BAHCC1: variants seen among roughly 807,000 people sequenced by gnomAD.
BAHCC1 encodes the protein BAH domain and coiled-coil containing 1.
In BAHCC1, 43 loss-of-function variants were observed where a neutral mutation model predicts 88.2. The observed-to-expected ratio is 0.49, with a 90% CI of 0.38 to 0.63. The LOEUF (loss-of-function observed/expected upper bound fraction) is 0.63, where lower values mean the gene tolerates loss of function less well. Among genes scored for constraint, BAHCC1 ranks in the 20% least tolerant of loss-of-function variants. The pLI is 0.00. For synonymous variants in BAHCC1, 1,510 were observed against 745.5 expected (o/e 2.03, Z -16.71); for missense variants, 3,023 against 1,654.8 (o/e 1.83, Z -14.34).
At chr17:81,397,226 A>G (rs1428180919) in intron 1 of BAHCC1, 1 of 151,670 alleles carries the variant, frequency 6.6e-6, no homozygotes, top group East Asian at 2.0e-4. Flanking sequence ...ACAGTAATCC[A>G]CCTCCTGTTT....
At chr17:81,449,680 C>G (rs2064597147) in intron 11 of BAHCC1, among the ~76,000 whole-genome samples, 1 of 152,044 alleles carries the variant, frequency 6.6e-6, no homozygotes, top group Non-Finnish European at 1.5e-5. Flanking sequence ...CAGCCCACCC[C>G]CCCTCGGCCC....
rs782036480 is a variant in BAHCC1 at position 81,442,925 on chromosome 17, A to G, written c.1576A>G (p.Thr526Ala). Reference sequence around the variant, plus strand: ...CCAGGCCTGCTGCACTTTAGATAAGACTGTTGGCAAGGAAGCCCCGGCCGG... The same window carrying G: ...CCAGGCCTGCTGCACTTTAGATAAGGCTGTTGGCAAGGAAGCCCCGGCCGG... ...APQACCTLDK[T>A]VGKEAPAGPP... The change falls in exon 5 of 28, where the codon ACT (threonine) becomes GCT (alanine). Residue 526 changes from threonine to alanine, a missense_variant. By Grantham distance (58) the Thr-to-Ala change is moderately conservative (BLOSUM62 0). Coordinates refer to ENST00000675386, the MANE Select transcript of BAHCC1 (RefSeq NM_001377448.1). 5.1e-6 allele frequency: 4 copies of G among 778,956 alleles called. No homozygotes were observed. The Admixed American group carries it at 6.8e-5, about 13-fold the overall frequency. The allele number at this position is 778,956 out of a possible 1,614,324, so 48.3% of individuals were successfully genotyped here.
chr17:81,441,923 C>A lies in BAHCC1; in HGVS notation c.574C>A (p.Pro192Thr). 1.4e-6 allele frequency: 1 copy of A among 730,648 alleles called. No homozygotes were observed. The highest frequency in any genetic ancestry group is 2.5e-5 in the East Asian group (1 of 39,472). 45.3% of individuals were successfully genotyped at this position (730,648 alleles called of 1,614,324 possible). A position where few individuals can be genotyped will look rare whatever the true frequency, so the allele number is the denominator to read the frequency against. Residue 192 changes from proline (P) to threonine (T), a missense_variant, in exon 5 of 28, where the codon CCC becomes ACC. Pro to Thr is a conservative substitution (Grantham distance 38, BLOSUM62 -1). Coordinates refer to ENST00000675386, the MANE Select transcript of BAHCC1 (RefSeq NM_001377448.1). ...PSVARAAPAH[P>T]MGSCSRDRDR... is the part of the protein sequence containing the mutation. Reference sequence around the variant, plus strand: ...CGTGGCCCGGGCCGCCCCTGCCCACCCCATGGGCTCCTGCAGCCGGGATCG... The same window carrying A: ...CGTGGCCCGGGCCGCCCCTGCCCACACCATGGGCTCCTGCAGCCGGGATCG...
rs1555645402 is a variant in BAHCC1 at position 81,399,129 on chromosome 17, G to GTGTGTA, written c.-206-400_-206-399insATGTGT. 1 of 119,524 alleles carries GTGTGTA rather than the reference G, an allele frequency of 8.4e-6. No homozygotes were observed. Among genetic ancestry groups the GTGTGTA allele is most frequent in the South Asian group, 3.9e-5 (1 of 25,324 alleles). 7.4% of individuals were successfully genotyped at this position (119,524 alleles called of 1,614,324 possible). A position where few individuals can be genotyped will look rare whatever the true frequency, so the allele number is the denominator to read the frequency against. On this transcript the variant is annotated intron_variant, in intron 1 of 27. Coordinates refer to ENST00000675386, the MANE Select transcript of BAHCC1 (RefSeq NM_001377448.1). This position sits in a 1 kb window ranked among gnomAD's most constrained non-coding sequence, Gnocchi z 4.5. ...GGGAGGGGAGAGGGTGTGCGTGTGA[G>GTGTGTA]TGTGTGTGTGTGTGTGTGTGTGTGC...
chr17:81,459,191 C>A, intron 21 of BAHCC1, 23 bp downstream of exon 21: 1 of 768,072 alleles, frequency 1.3e-6, no homozygotes. Context: ...CATGGTGGGG[C>A]AGGGCAGGGG....
chr17:81,432,702 C>G (rs1598477843), intron 3 of BAHCC1, among the ~76,000 whole-genome samples: 3 of 67,508 alleles, frequency 4.4e-5, no homozygotes, highest in African/African-American at 1.4e-4. Flanking sequence ...CCCCCGCATC[C>G]CCAGGCCCAC....
rs1207457873 is a variant in BAHCC1, at chr17:81,454,557, C to T, written c.4446-710C>T. Among the ~76,000 whole-genome samples the T allele has an allele frequency of 4.2e-5, 6 of 141,542 alleles. 1 individual carries two copies. In the South Asian group the frequency reaches 1.3e-3, roughly 31 times the overall value. The allele number at this position is 141,542 out of a possible 152,430, so 92.9% of individuals were successfully genotyped here. A position where few individuals can be genotyped will look rare whatever the true frequency, so the allele number is the denominator to read the frequency against. ...GACACCGCCCCCACCCCACCCCACC[C>T]ACCTGCCCCTACCCCCGCCCCTGGT... is the stretch of plus-strand genomic sequence containing the variant. On this transcript the variant is annotated intron_variant, in intron 14 of 27. Coordinates refer to ENST00000675386, the MANE Select transcript of BAHCC1 (RefSeq NM_001377448.1).
Position 81,447,531 on chromosome 17 carries a change from C to A in BAHCC1, c.3659C>A (p.Pro1220Gln). The A allele has an allele frequency of 1.3e-6, 1 of 753,998 alleles. No individual in the cohort carries two copies. The allele number at this position is 753,998 out of a possible 1,614,324, so 46.7% of individuals were successfully genotyped here. Residue 1220 changes from proline to glutamine, a missense_variant, in exon 11 of 28, where the codon CCG becomes CAG. By Grantham distance (76) the Pro-to-Gln change is moderately conservative. Transcript: ENST00000675386. Reference sequence around the variant, plus strand: ...GCCCTTGAGGACGAGGGGGAGCAGCCGGCCCCTGAGGAGGACGAGCTGGAG... The same window carrying A: ...GCCCTTGAGGACGAGGGGGAGCAGCAGGCCCCTGAGGAGGACGAGCTGGAG... ...PGALEDEGEQPAPEEDELEED... is the reference protein window; with the variant it reads ...PGALEDEGEQQAPEEDELEED...
intron 13 of BAHCC1, 21 bp from the exon 14 acceptor site, chr17:81,452,702 C>T: frequency 1.3e-6 from 1 of 740,972 alleles, no homozygotes; most frequent in South Asian, 1.4e-5. Context: ...AGCCTCTGAC[C>T]ATCCCCCCTG....
rs782112056 is a variant in BAHCC1 at position 81,442,482 on chromosome 17, C to T, written c.1133C>T (p.Pro378Leu). ...QLHGGPDGLC[P>L]LQDKAPRDLK... ...CACGGGGGCCCTGACGGGCTCTGCC[C>T]GCTGCAGGACAAAGCCCCCCGGGAC... is the stretch of plus-strand genomic sequence containing the variant. The change falls in exon 5 of 28, where the codon CCG becomes CTG. Residue 378 changes from proline (P) to leucine (L), a missense_variant. Pro to Leu is a moderately conservative substitution (Grantham distance 98, BLOSUM62 -3). Transcript: ENST00000675386. The T allele has an allele frequency of 1.2e-5, 9 of 720,430 alleles. No homozygotes were observed. Among genetic ancestry groups the T allele is most frequent in the Non-Finnish European group, 2.1e-5 (8 of 388,996 alleles). 44.6% of individuals were successfully genotyped at this position (720,430 alleles called of 1,614,324 possible).
At chr17:81,440,315 G>A (rs1350330462) in intron 4 of BAHCC1, among the ~76,000 whole-genome samples, 2 of 152,192 alleles carry the variant, frequency 1.3e-5, no homozygotes, top group Admixed American at 6.5e-5. Context: ...GCAGTGGGCC[G>A]GCCAGGCCTC....
At chr17:81,444,057 A>AACC in intron 6 of BAHCC1, 140 bp downstream of exon 6, 1 of 628,060 alleles carries the variant, frequency 1.6e-6, no homozygotes, top group Non-Finnish European at 2.9e-6. Flanking sequence ...GGTTCTCCCC[A>AACC]CCCCTAGAGC....
intron 2 of BAHCC1, among the ~76,000 whole-genome samples, chr17:81,400,295 C>T (rs1205772262): frequency 6.6e-6 from 1 of 152,246 alleles, no homozygotes; most frequent in Non-Finnish European, 1.5e-5. Flanking sequence ...CAACGAGGCG[C>T]TTTCTGCGGA....
At chr17:81,409,089 G>C (rs2063916104) in intron 2 of BAHCC1, among the ~76,000 whole-genome samples, 1 of 152,230 alleles carries the variant, frequency 6.6e-6, no homozygotes, top group Non-Finnish European at 1.5e-5. Context: ...GAGAGACCCA[G>C]CCAGGGTCTC....
At position 81,442,459 on chromosome 17, in the gene BAHCC1, CG is replaced by C; in HGVS notation, c.1115del (p.Gly372AlafsTer16). 1 of 715,720 alleles carries C rather than the reference CG, an allele frequency of 1.4e-6. No individual in the cohort carries two copies. Among genetic ancestry groups the C allele is most frequent in the Admixed American group, 2.0e-5 (1 of 49,630 alleles). 44.3% of individuals were successfully genotyped at this position (715,720 alleles called of 1,614,324 possible). A position where few individuals can be genotyped will look rare whatever the true frequency, so the allele number is the denominator to read the frequency against. Reference sequence around the variant, plus strand: ...GCTCCTTCCCCTGCCTGCAGCTGCACGGGGGCCCTGACGGGCTCTGCCCGCT... The same window carrying C: ...GCTCCTTCCCCTGCCTGCAGCTGCACGGGGCCCTGACGGGCTCTGCCCGCT... The part of the protein sequence containing the change: ...AGSFPCLQLH[G>X]GPDGLCPLQD... On this transcript the variant is annotated frameshift_variant, in exon 5 of 28. Transcript: ENST00000675386. LOFTEE classifies it high-confidence loss of function.
At chr17:81,415,206 C>T (rs1405428955) in intron 2 of BAHCC1, among the ~76,000 whole-genome samples, 1 of 152,256 alleles carries the variant, frequency 6.6e-6, no homozygotes, top group Non-Finnish European at 1.5e-5. Flanking sequence ...TGGTTCCTTC[C>T]TCTCCTCCAC....
chr17:81,454,978 C>T (rs1167349846), intron 14 of BAHCC1, among the ~76,000 whole-genome samples: 6 of 152,232 alleles, frequency 3.9e-5, no homozygotes, highest in African/African-American at 4.8e-5. Context: ...GTAACAGAAG[C>T]GTGCCCACTT....
intron 1 of BAHCC1, among the ~76,000 whole-genome samples, chr17:81,397,999 C>T (rs1170386653): frequency 6.6e-6 from 1 of 151,996 alleles, no homozygotes; most frequent in African/African-American, 2.4e-5. Flanking sequence ...GTTTTAGAAC[C>T]CGGACCATAA....
intron 10 of BAHCC1, among the ~76,000 whole-genome samples, chr17:81,446,321 G>A (rs1445384035): frequency 6.6e-6 from 1 of 150,954 alleles, no homozygotes; most frequent in African/African-American, 2.4e-5. Context: ...TGATGCCTCT[G>A]ACATGCTGCC....
Sources: gnomAD v4.1 joint callset for allele counts (sites outside exome capture counted in the v4.1 genomes callset) on GRCh38, gnomAD v4.1.1 for gene constraint, Gnocchi (gnomAD v3.1) non-coding constraint, MANE v1.5 for transcripts, NCBI Gene and HGNC (gene_info 2026-07-23, HGNC 2026-07-21) for gene names.